OCA2: variants seen among roughly 807,000 people sequenced by gnomAD.
The protein encoded by OCA2 is P protein.
A neutral mutation model predicts 100.2 loss-of-function variants in OCA2; 77 were observed. The observed-to-expected ratio is 0.77, with a 90% CI of 0.64 to 0.93. OCA2 has a LOEUF of 0.93. OCA2 is among the 40% of genes least tolerant of loss of function. The pLI, the probability that OCA2 is intolerant of heterozygous loss-of-function variation, is 0.00. For synonymous variants in OCA2, 432 were observed against 439.2 expected (o/e 0.98, Z 0.21); for missense variants, 1,062 against 1,089.1 (o/e 0.98, Z 0.35).
At chr15:28,012,497 G>C (rs924721700) in intron 9 of OCA2, among the ~76,000 whole-genome samples, 1 of 152,158 alleles carries the variant, frequency 6.6e-6, no homozygotes, top group African/African-American at 2.4e-5. Flanking sequence ...ATGTGTGGCT[G>C]GTTTCTGTGT....
chr15:27,831,062 C>T (rs1007508266), intron 23 of OCA2, among the ~76,000 whole-genome samples: 4 of 151,990 alleles, frequency 2.6e-5, no homozygotes, highest in East Asian at 1.9e-4. Flanking sequence ...CCAAGGCAGG[C>T]GGACCACGAG....
chr15:27,959,563 G>C (rs1379005439), intron 15 of OCA2, among the ~76,000 whole-genome samples: 1 of 152,156 alleles, frequency 6.6e-6, no homozygotes, highest in African/African-American at 2.4e-5. Flanking sequence ...ACGGTGAAGG[G>C]CCACTTTCTG....
intron 23 of OCA2, among the ~76,000 whole-genome samples, chr15:27,823,866 C>T (rs888971193): frequency 6.6e-6 from 1 of 152,138 alleles, no homozygotes; most frequent in African/African-American, 2.4e-5. Flanking sequence ...TTTGAAGCAA[C>T]AAAATGATTT....
intron 19 of OCA2, among the ~76,000 whole-genome samples, chr15:27,911,998 T>C (rs2038415541): frequency 6.6e-6 from 1 of 152,206 alleles, no homozygotes; most frequent in Non-Finnish European, 1.5e-5. Context: ...AATATATGAG[T>C]TAGCAATTCT....
At chr15:27,931,968 G>C (rs2140420957) in intron 18 of OCA2, among the ~76,000 whole-genome samples, 1 of 152,270 alleles carries the variant, frequency 6.6e-6, no homozygotes, top group Non-Finnish European at 1.5e-5. Flanking sequence ...AACCTGCTCT[G>C]TACCTGCCTC....
intron 14 of OCA2, among the ~76,000 whole-genome samples, chr15:27,975,231 A>G (rs1530692): frequency 0.027 from 4,124 of 152,324 alleles, 203 homozygotes; most frequent in African/African-American, 0.093. Context: ...CACTAATGTG[A>G]TGCTAGTCAG....
chr15:27,818,460 T>A (rs1046958036), intron 23 of OCA2, among the ~76,000 whole-genome samples: 7 of 152,126 alleles, frequency 4.6e-5, no homozygotes, highest in Non-Finnish European at 1.0e-4. Flanking sequence ...TCTAATAGTA[T>A]AGGAAACAGA....
At chr15:27,794,469 A>G (rs1330365495) in intron 23 of OCA2, among the ~76,000 whole-genome samples, 1 of 152,194 alleles carries the variant, frequency 6.6e-6, no homozygotes, top group African/African-American at 2.4e-5. Context: ...GAGTATATCA[A>G]TACATAAGCA....
chr15:27,935,812 T>C (rs2039430296), intron 18 of OCA2, among the ~76,000 whole-genome samples: 1 of 152,256 alleles, frequency 6.6e-6, no homozygotes, highest in African/African-American at 2.4e-5. Context: ...TGAAACCTTG[T>C]CATCTTTTAT....
At chr15:27,782,353 A>G (rs192481882) in intron 23 of OCA2, among the ~76,000 whole-genome samples, 1 of 152,350 alleles carries the variant, frequency 6.6e-6, no homozygotes, top group Admixed American at 6.5e-5. Flanking sequence ...TCTAAAGAGA[A>G]ACAAATGTGG....
intron 18 of OCA2, among the ~76,000 whole-genome samples, chr15:27,939,269 C>G (rs2039563866): frequency 6.6e-6 from 1 of 152,156 alleles, no homozygotes; most frequent in Non-Finnish European, 1.5e-5. Context: ...ATTTTCTAAC[C>G]TCTACTTTTA....
At chr15:28,051,974 T>C (rs1002477467) in intron 2 of OCA2, among the ~76,000 whole-genome samples, 4 of 152,170 alleles carry the variant, frequency 2.6e-5, no homozygotes, top group African/African-American at 9.7e-5. Context: ...AACCCCCCTC[T>C]GCTTCACTGA....
chr15:27,734,645 A>G, the OCA2 span, among the ~76,000 whole-genome samples: 1 of 152,312 alleles, frequency 6.6e-6, no homozygotes, highest in East Asian at 1.9e-4. Context: ...TCACCCTAGC[A>G]TTATGCTGGT....
chr15:28,087,986 C>T (rs2044807147), intron 1 of OCA2, among the ~76,000 whole-genome samples: 1 of 151,854 alleles, frequency 6.6e-6, no homozygotes. Flanking sequence ...CATTTGAACC[C>T]AGAAGGCAGA....
chr15:27,984,757 C>T (rs1473777019), intron 13 of OCA2, among the ~76,000 whole-genome samples: 2 of 152,164 alleles, frequency 1.3e-5, no homozygotes, highest in Non-Finnish European at 2.9e-5. Flanking sequence ...GACGGGGTTT[C>T]ACCAGGGGTG....
Position 28,017,754 on chromosome 15 carries a change from C to G in OCA2, c.807+643G>C, listed in dbSNP as rs116441176. Among the ~76,000 whole-genome samples, 1,476 of 152,078 alleles carry G rather than the reference C, an allele frequency of 9.7e-3. 32 individuals carry two copies. The highest frequency in any genetic ancestry group is 0.03 in the African/African-American group (1,234 of 41,368). ...CTCTACTGGTTATAACAGGGAACAT[C>G]CATGAACCAGGGCTACGACTTCCAT... On this transcript the variant is annotated intron_variant, in intron 7 of 23. Transcript: ENST00000354638.
At chr15:27,964,288 T>A (rs546098464) in intron 15 of OCA2, among the ~76,000 whole-genome samples, 18 of 152,316 alleles carry the variant, frequency 1.2e-4, no homozygotes, top group African/African-American at 4.3e-4. Context: ...ACAATCAAGA[T>A]CCCTAATGTA....
At chr15:27,912,119 A>G (rs2038420472) in intron 19 of OCA2, among the ~76,000 whole-genome samples, 2 of 152,240 alleles carry the variant, frequency 1.3e-5, no homozygotes, top group African/African-American at 2.4e-5. Flanking sequence ...CAGGGAATCA[A>G]TATGATCTGA....
intron 9 of OCA2, among the ~76,000 whole-genome samples, chr15:27,993,391 A>G (rs2041619621): frequency 6.6e-6 from 1 of 152,182 alleles, no homozygotes; most frequent in Non-Finnish European, 1.5e-5. Flanking sequence ...GATACAGACC[A>G]GCATTTTCTT....
Sources: allele counts gnomAD v4.1 joint callset (sites outside exome capture counted in the v4.1 genomes callset), GRCh38; gene constraint gnomAD v4.1.1; transcripts MANE v1.5; gene names NCBI Gene and HGNC (gene_info 2026-07-23, HGNC 2026-07-21).